The following ANKRD36C variants were observed in gnomAD, a reference collection of about 807,000 sequenced individuals.
The protein encoded by ANKRD36C is ankyrin repeat domain 36C, also known as ankyrin repeat domain-containing protein 36C.
ANKRD36C carries 61 observed loss-of-function variants against 276.4 expected under a neutral mutation model. The ratio of observed to expected loss-of-function variants is 0.22; its 90% CI spans 0.18 to 0.27. The LOEUF is 0.27. Among genes scored for constraint, ANKRD36C ranks in the 10% least tolerant of loss-of-function variants. ANKRD36C has a pLI of 1.00. For synonymous variants in ANKRD36C, 483 were observed against 680.1 expected (o/e 0.71, Z 4.51); for missense variants, 1,447 against 2,032.3 (o/e 0.71, Z 5.54).
chr2:95,953,007 C>G (rs1431931412), intron 14 of ANKRD36C, among the ~76,000 whole-genome samples: 1 of 151,608 alleles, frequency 6.6e-6, no homozygotes, highest in African/African-American at 2.4e-5. Flanking sequence ...GATACAAAGA[C>G]CCTGAGTGGA....
chr2:95,958,157 T>A (rs1284448775), intron 12 of ANKRD36C, among the ~76,000 whole-genome samples: 1 of 152,074 alleles, frequency 6.6e-6, no homozygotes, highest in Non-Finnish European at 1.5e-5. Context: ...AATTACTACA[T>A]CAGTGGTCTC....
At chr2:95,937,465 C>T (rs1677749788) in intron 22 of ANKRD36C, among the ~76,000 whole-genome samples, 1 of 152,308 alleles carries the variant, frequency 6.6e-6, no homozygotes, top group South Asian at 2.1e-4. Flanking sequence ...ACCAAAAATT[C>T]GTGTATTTAA....
chr2:95,976,906 C>G (rs1348568143), intron 6 of ANKRD36C, among the ~76,000 whole-genome samples: 1 of 152,018 alleles, frequency 6.6e-6, no homozygotes, highest in East Asian at 1.9e-4. Context: ...CTACTTTTCT[C>G]TAGCCACTGC....
intron 6 of ANKRD36C, among the ~76,000 whole-genome samples, chr2:95,975,849 A>C (rs1187200421): frequency 2.0e-5 from 3 of 152,212 alleles, no homozygotes; most frequent in Admixed American, 6.5e-5. Flanking sequence ...CAACCTACAG[A>C]ATGAGAGAAA....
intron 14 of ANKRD36C, among the ~76,000 whole-genome samples, chr2:95,953,117 A>G (rs1436653546): frequency 1.1e-4 from 17 of 152,190 alleles, no homozygotes; most frequent in African/African-American, 4.1e-4. Context: ...AACAAAATGC[A>G]TATTTTTCAA....
At chr2:95,908,306 T>C (rs978762641) in intron 42 of ANKRD36C, among the ~76,000 whole-genome samples, 196 bp downstream of exon 48, 2 of 150,764 alleles carry the variant, frequency 1.3e-5, no homozygotes, top group Non-Finnish European at 3.0e-5. Flanking sequence ...TATGGGGAAG[T>C]GTATAATCTT....
intron 40 of ANKRD36C, among the ~76,000 whole-genome samples, chr2:95,912,929 C>T (rs552309953): frequency 6.6e-6 from 1 of 151,340 alleles, no homozygotes; most frequent in Non-Finnish European, 1.5e-5. Flanking sequence ...ATGTACACTT[C>T]ACATCTCTTC....
chr2:95,869,314 T>C (rs1675750261), intron 59 of ANKRD36C, among the ~76,000 whole-genome samples: 1 of 152,164 alleles, frequency 6.6e-6, no homozygotes, highest in Non-Finnish European at 1.5e-5. Flanking sequence ...GGACTAAACT[T>C]GAATAATTCA....
At chr2:95,982,291 T>C (rs1365727350) in exon 4 of ANKRD36C, 1 of 1,550,834 alleles carries the variant, frequency 6.4e-7, no homozygotes, top group Non-Finnish European at 8.7e-7. Flanking sequence ...TATTTGCTTT[T>C]TTCTTTAATA....
At chr2:95,895,854 C>T (rs532680054) in intron 44 of ANKRD36C, among the ~76,000 whole-genome samples, 1 of 151,034 alleles carries the variant, frequency 6.6e-6, no homozygotes, top group East Asian at 2.0e-4. Flanking sequence ...GTGTCAATAT[C>T]AATGTGGATA....
chr2:95,973,433 A>T (rs1204893047), intron 6 of ANKRD36C, among the ~76,000 whole-genome samples: 2 of 152,188 alleles, frequency 1.3e-5, no homozygotes, highest in Non-Finnish European at 2.9e-5. Flanking sequence ...TCTATTAATA[A>T]AAACATACAT....
At chr2:95,902,456 C>T (rs1025157132) in intron 42 of ANKRD36C, among the ~76,000 whole-genome samples, 10 of 149,518 alleles carry the variant, frequency 6.7e-5, no homozygotes, top group South Asian at 2.1e-4. Flanking sequence ...ATAGTTGCTA[C>T]ACCAGGGGTC....
At chr2:95,890,379 C>A (rs1017895513) in intron 46 of ANKRD36C, among the ~76,000 whole-genome samples, 1 of 151,388 alleles carries the variant, frequency 6.6e-6, no homozygotes, top group Non-Finnish European at 1.5e-5. Flanking sequence ...TGTAAGAAAT[C>A]AAAGGATATA....
At chr2:95,913,132 C>A (rs1368792965) in intron 40 of ANKRD36C, among the ~76,000 whole-genome samples, 1 of 149,520 alleles carries the variant, frequency 6.7e-6, no homozygotes, top group African/African-American at 2.5e-5. Context: ...ATAAAAATAT[C>A]ATCAATTATC....
chr2:95,872,612 A>G (rs559126270), intron 59 of ANKRD36C, among the ~76,000 whole-genome samples: 4 of 152,130 alleles, frequency 2.6e-5, no homozygotes, highest in Admixed American at 6.5e-5. Context: ...AAGAACTAGA[A>G]AAGCAAGAGC....
At chr2:95,848,933 AC>A (rs202097755), downstream of ANKRD36C, 9,004 of 416,920 alleles carry the variant, frequency 0.022, 163 homozygotes, top group Admixed American at 0.054. Flanking sequence ...CATAAAAGAT[AC>A]AAAAATATTT....
In ANKRD36C at chr2:95,916,185, G is replaced by C; in HGVS notation, c.2348-14C>G. ...TCCGAGAAGACACTGAAAAGCAAAA[G>C]GGACACGTAATCACTCACTCGTAAA... On this transcript the variant is annotated splice_polypyrimidine_tract_variant and intron_variant, in intron 36 of 66. Transcript: ENST00000456556. 6.2e-7 allele frequency: 1 copy of C among 1,603,922 alleles called. No individual in the cohort carries two copies. Among genetic ancestry groups the C allele is most frequent in the Non-Finnish European group, 8.5e-7 (1 of 1,177,772 alleles).
At chr2:95,891,691 T>A in exon 46 of ANKRD36C, 1 of 1,573,912 alleles carries the variant, frequency 6.4e-7, no homozygotes, top group Non-Finnish European at 8.6e-7. Flanking sequence ...TCCATGCTTT[T>A]TTCCTCTGGC....
chr2:95,974,085 A>G (rs1678756135), intron 6 of ANKRD36C, among the ~76,000 whole-genome samples: 1 of 151,828 alleles, frequency 6.6e-6, no homozygotes, highest in South Asian at 2.1e-4. Context: ...TTATATATAG[A>G]TGGTTAAAGG....
Sources: gnomAD v4.1 joint callset for allele counts (sites outside exome capture counted in the v4.1 genomes callset) on GRCh38, gnomAD v4.1.1 for gene constraint, MANE v1.5 for transcripts, NCBI Gene and HGNC (gene_info 2026-07-23, HGNC 2026-07-21) for gene names.